Variants in MCTP1 observed in about 807,000 individuals in gnomAD.
The protein encoded by MCTP1 is multiple C2 and transmembrane domain-containing protein 1.
MCTP1 carries 69 observed loss-of-function variants against 120.6 expected under a neutral mutation model. The observed-to-expected ratio is 0.57, with a 90% CI of 0.47 to 0.70. The LOEUF is 0.70. MCTP1 is among the 30% of genes least tolerant of loss of function. The pLI, the probability that MCTP1 is intolerant of heterozygous loss-of-function variation, is 0.00. For missense variants in MCTP1, 1,203 were observed against 1,248.8 expected, an observed-to-expected ratio of 0.96 and a Z score of 0.55; for synonymous variants, 529 against 493.1, an observed-to-expected ratio of 1.07 and a Z score of -0.96.
intron 1 of MCTP1, among the ~76,000 whole-genome samples, chr5:95,112,424 T>C (rs971148308): frequency 6.6e-6 from 1 of 152,222 alleles, no homozygotes; most frequent in Non-Finnish European, 1.5e-5. Context: ...TTTTAAACGT[T>C]AGCTATTTCT....
chr5:95,003,994 T>G (rs991994215), intron 2 of MCTP1, among the ~76,000 whole-genome samples: 16 of 152,120 alleles, frequency 1.1e-4, no homozygotes, highest in Admixed American at 1.0e-3. Flanking sequence ...CATGTAAAAT[T>G]GTGACCAAAT....
intron 1 of MCTP1, among the ~76,000 whole-genome samples, chr5:95,086,158 C>T (rs1419070920): frequency 6.6e-6 from 1 of 151,884 alleles, no homozygotes; most frequent in African/African-American, 2.4e-5. Flanking sequence ...GCATTACCAA[C>T]AATAATGTTA....
chr5:94,965,807 T>G (rs1398511582), intron 2 of MCTP1, among the ~76,000 whole-genome samples: 3 of 152,226 alleles, frequency 2.0e-5, no homozygotes, highest in African/African-American at 7.2e-5. Context: ...ACGAATAGAA[T>G]AATACCTTAT....
At chr5:94,968,843 C>T (rs998392129) in intron 2 of MCTP1, among the ~76,000 whole-genome samples, 2 of 152,168 alleles carry the variant, frequency 1.3e-5, no homozygotes, top group Non-Finnish European at 2.9e-5. Context: ...CTTTCATTGA[C>T]ATACTTTTTA....
chr5:95,284,413 A>G lies in MCTP1; in HGVS notation c.163T>C (p.Ser55Pro). The G allele has an allele frequency of 1.3e-6, 2 of 1,579,326 alleles. No homozygotes were observed. Among genetic ancestry groups the G allele is most frequent in the African/African-American group, 1.4e-5 (1 of 73,948 alleles). The change falls in exon 1 of 23, where the codon TCG becomes CCG. Residue 55 changes from serine (S) to proline (P), a missense_variant. Ser to Pro is a moderately conservative substitution (Grantham distance 74, BLOSUM62 -1). This residue lies in a region of MCTP1 where 463 missense variants were observed against 377.8 expected (regional missense o/e 1.23). Coordinates refer to ENST00000515393, the MANE Select transcript of MCTP1 (RefSeq NM_024717.7). The surrounding 1 kb of genome is among the most constrained non-coding windows in gnomAD (Gnocchi z 5.2). ...CCCACCGGGGGTGGCGGGGAGGGCG[A>G]CGGGGTGTCCGCAGTGCGGCGCTCT... ...GPERRTADTP[S>P]PSPPPPVGTG...
intron 19 of MCTP1, among the ~76,000 whole-genome samples, chr5:94,745,536 A>G (rs1766691977): frequency 1.3e-5 from 2 of 152,218 alleles, no homozygotes; most frequent in African/African-American, 4.8e-5. Flanking sequence ...TATGAAAGAA[A>G]GGTGGAGAGG....
At chr5:94,914,555 T>C (rs1809580315) in intron 8 of MCTP1, among the ~76,000 whole-genome samples, 1 of 152,280 alleles carries the variant, frequency 6.6e-6, no homozygotes. Context: ...TCCTGCCTTG[T>C]TGAACACAGC....
chr5:94,953,193 C>T (rs773001101), intron 3 of MCTP1, 26 bp downstream of exon 3: 7 of 1,561,714 alleles, frequency 4.5e-6, no homozygotes, highest in African/African-American at 1.4e-5. Context: ...CAGTTTCTAT[C>T]AGGAAAAAAC....
chr5:95,178,372 CAG>C (rs968594586), intron 1 of MCTP1, among the ~76,000 whole-genome samples: 2 of 152,242 alleles, frequency 1.3e-5, no homozygotes, highest in Non-Finnish European at 2.9e-5. Flanking sequence ...GAAAATGAGA[CAG>C]AGTCTTGCTC....
chr5:94,741,869 A>C (rs1215751390), intron 19 of MCTP1, among the ~76,000 whole-genome samples: 1 of 152,170 alleles, frequency 6.6e-6, no homozygotes, highest in Non-Finnish European at 1.5e-5. Context: ...AACCTCCCTA[A>C]ACCTCAGTTT....
chr5:94,934,977 T>C (rs558539050), intron 5 of MCTP1, among the ~76,000 whole-genome samples: 2 of 152,008 alleles, frequency 1.3e-5, no homozygotes, highest in South Asian at 4.1e-4. Flanking sequence ...AATTGCCATA[T>C]ATAGGACACA....
chr5:94,876,740 T>C (rs1798951939), intron 12 of MCTP1, among the ~76,000 whole-genome samples: 1 of 151,986 alleles, frequency 6.6e-6, no homozygotes, highest in Non-Finnish European at 1.5e-5. Flanking sequence ...GTGGCAGTGC[T>C]GGTTGAGGGC....
Position 95,099,024 on chromosome 5 carries a change from G to T in MCTP1, c.721-81540C>A, listed in dbSNP as rs995758018. Reference sequence around the variant, plus strand: ...CTGAGAAAAACAAGCAATGGGGAAAGGATTCCCTATTTAATAAATGGTGCT... The same window carrying T: ...CTGAGAAAAACAAGCAATGGGGAAATGATTCCCTATTTAATAAATGGTGCT... On this transcript the variant is annotated intron_variant, in intron 1 of 22. Transcript: ENST00000515393. Among the ~76,000 whole-genome samples the T allele has an allele frequency of 5.9e-5, 9 of 151,846 alleles. No homozygotes were observed. The East Asian group carries it at 1.5e-3, about 26-fold the overall frequency.
chr5:94,922,997 C>CAAAAA (rs202245253), intron 7 of MCTP1, among the ~76,000 whole-genome samples: 2 of 99,548 alleles, frequency 2.0e-5, no homozygotes, highest in African/African-American at 4.0e-5. Context: ...TAAAAAGCTG[C>CAAAAA]AAAAAAAAAA....
chr5:94,994,827 G>T (rs1832294823), intron 2 of MCTP1, among the ~76,000 whole-genome samples: 1 of 152,178 alleles, frequency 6.6e-6, no homozygotes, highest in Non-Finnish European at 1.5e-5. Context: ...AATGTGGAAG[G>T]ACTGGTCTGG....
chr5:95,009,270 A>T (rs1450867128), intron 2 of MCTP1, among the ~76,000 whole-genome samples: 1 of 152,140 alleles, frequency 6.6e-6, no homozygotes, highest in Admixed American at 6.6e-5. Context: ...CAAGAAATCA[A>T]ATGATAGAAA....
intron 2 of MCTP1, among the ~76,000 whole-genome samples, chr5:94,962,552 T>C (rs780899264): frequency 2.0e-5 from 3 of 151,824 alleles, no homozygotes; most frequent in African/African-American, 4.8e-5. Flanking sequence ...TAAAAAGGAA[T>C]GAATTAATGG....
At chr5:95,026,663 A>G (rs537109214) in intron 1 of MCTP1, among the ~76,000 whole-genome samples, 3 of 152,204 alleles carry the variant, frequency 2.0e-5, no homozygotes, top group African/African-American at 4.8e-5. Flanking sequence ...TTATTGTAGC[A>G]CTGTACAGTG....
intron 18 of MCTP1, among the ~76,000 whole-genome samples, chr5:94,786,770 T>A (rs897385581): frequency 6.7e-6 from 1 of 149,824 alleles, no homozygotes; most frequent in African/African-American, 2.5e-5. Context: ...GATTTTTTTT[T>A]ATTTCTCATT....
Sources: allele counts gnomAD v4.1 joint callset (sites outside exome capture counted in the v4.1 genomes callset), GRCh38; gene constraint gnomAD v4.1.1; regional missense constraint gnomAD v4.1.1; non-coding constraint Gnocchi (gnomAD v3.1); transcripts MANE v1.5; gene names NCBI Gene and HGNC (gene_info 2026-07-23, HGNC 2026-07-21).